Variants in NBEA observed in about 807,000 individuals in gnomAD.
NBEA encodes the protein neurobeachin, also known as lysosomal-trafficking regulator 2.
A neutral mutation model predicts 343.4 loss-of-function variants in NBEA; 44 were observed. The ratio of observed to expected loss-of-function variants is 0.13; its 90% CI spans 0.10 to 0.16. The LOEUF (loss-of-function observed/expected upper bound fraction) is 0.16. Ranked by LOEUF, NBEA falls within the 10% of genes least tolerant of loss-of-function variation. The pLI, the probability that NBEA is intolerant of heterozygous loss-of-function variation, is 1.00. For missense variants in NBEA, 2,555 were observed against 3,631.3 expected (o/e 0.70, Z 7.62); for synonymous variants, 1,175 against 1,238.7 (o/e 0.95, Z 1.08).
intron 13 of NBEA, among the ~76,000 whole-genome samples, chr13:35,111,301 T>C (rs891620470): frequency 3.3e-5 from 5 of 152,130 alleles, no homozygotes; most frequent in African/African-American, 1.2e-4. Flanking sequence ...AGTACATCAG[T>C]TGCTTTCAAC....
At chr13:35,106,055 T>C (rs1247689587) in intron 11 of NBEA, among the ~76,000 whole-genome samples, 1 of 152,010 alleles carries the variant, frequency 6.6e-6, no homozygotes, top group Non-Finnish European at 1.5e-5. Context: ...CAACTATTTG[T>C]ATAACTTCTT....
At position 35,159,861 on chromosome 13, in the gene NBEA, G is replaced by A. The variant is rs967378072; in HGVS notation, c.3690G>A (p.Lys1230=). 3.7e-6 allele frequency: 6 copies of A among 1,606,134 alleles called. No individual in the cohort carries two copies. The highest frequency in any genetic ancestry group is 1.1e-5 in the South Asian group (1 of 89,834). The change falls in exon 22 of 59, where the codon AAG becomes AAA. Residue 1230 remains lysine (K), a synonymous_variant. Coordinates refer to ENST00000379939, the MANE Select transcript of NBEA (RefSeq NM_001385012.1). ...AAAGAGACTTAGCGTCATCAACTAA[G>A]GGGCTGGAGTATGCTGAAATGACTG... ...ISERDLASST[K]GLEYAEMTAT...
rs1426336566 is a variant in NBEA at position 35,546,657 on chromosome 13, A to G, written c.6586-3820A>G. On this transcript the variant is annotated intron_variant, in intron 41 of 58. Coordinates refer to ENST00000379939, the MANE Select transcript of NBEA (RefSeq NM_001385012.1). ...AACCTCTGCCTCCCGGATTCAAGCA[A>G]TTCTCCTGCCGCAGCCTCCCAAGTA... is the stretch of plus-strand genomic sequence containing the variant. 2.6e-5 allele frequency among the ~76,000 whole-genome samples: 4 copies of G among 151,794 alleles called. No individual in the cohort carries two copies. The South Asian group carries it at 8.3e-4, about 32-fold the overall frequency.
chr13:35,111,275 A>G (rs1002728943), intron 13 of NBEA, among the ~76,000 whole-genome samples: 1 of 152,136 alleles, frequency 6.6e-6, no homozygotes, highest in African/African-American at 2.4e-5. Context: ...GATATTGGTT[A>G]TAACTGGTGT....
intron 41 of NBEA, among the ~76,000 whole-genome samples, chr13:35,502,431 C>A (rs61949169): frequency 0.084 from 12,690 of 151,656 alleles, 730 homozygotes; most frequent in Middle Eastern, 0.15. Flanking sequence ...TTTTAAGTTA[C>A]ATTTATGGAC....
At chr13:35,595,579 C>G (rs2081754503) in intron 47 of NBEA, among the ~76,000 whole-genome samples, 1 of 152,026 alleles carries the variant, frequency 6.6e-6, no homozygotes, top group African/African-American at 2.4e-5. Context: ...ATCTTTCTCC[C>G]TGATTGTTAC....
chr13:35,658,871 G>A (rs1035791225), intron 55 of NBEA, among the ~76,000 whole-genome samples: 2 of 152,148 alleles, frequency 1.3e-5, no homozygotes, highest in African/African-American at 4.8e-5. Flanking sequence ...GCAACCATCT[G>A]TGTCGGTCTC....
intron 8 of NBEA, among the ~76,000 whole-genome samples, chr13:35,062,943 G>T (rs2152569795): frequency 6.6e-6 from 1 of 152,026 alleles, no homozygotes; most frequent in African/African-American, 2.4e-5. Flanking sequence ...AATGCATCTT[G>T]ATAGAGTGAT....
intron 34 of NBEA, among the ~76,000 whole-genome samples, chr13:35,236,951 C>G (rs1453286147): frequency 6.6e-6 from 1 of 152,054 alleles, no homozygotes; most frequent in East Asian, 1.9e-4. Flanking sequence ...AACTTAGACT[C>G]TGGTACATCA....
At chr13:35,470,364 T>A (rs1271037339) in intron 40 of NBEA, among the ~76,000 whole-genome samples, 1 of 150,520 alleles carries the variant, frequency 6.6e-6, no homozygotes, top group African/African-American at 2.4e-5. Context: ...ATGGTTTTGA[T>A]GTTTCACGAT....
At chr13:35,624,059 T>C (rs1030031658) in intron 48 of NBEA, among the ~76,000 whole-genome samples, 2 of 94,816 alleles carry the variant, frequency 2.1e-5, no homozygotes, top group African/African-American at 7.1e-5. Context: ...TGTGTGGGTG[T>C]GTGTGTGTGT....
chr13:35,619,620 C>T (rs60536174), intron 48 of NBEA, among the ~76,000 whole-genome samples: 4,589 of 152,192 alleles, frequency 0.03, 255 homozygotes, highest in African/African-American at 0.11. Context: ...ATATTCTTCA[C>T]AGATAAGGAA....
intron 34 of NBEA, among the ~76,000 whole-genome samples, chr13:35,261,260 T>G (rs769968699): frequency 2.6e-5 from 4 of 152,166 alleles, no homozygotes; most frequent in Non-Finnish European, 4.4e-5. Flanking sequence ...TGCCTATAAT[T>G]CCAGCACTTT....
At chr13:35,115,530 A>G (rs1014347943) in intron 13 of NBEA, among the ~76,000 whole-genome samples, 1 of 151,658 alleles carries the variant, frequency 6.6e-6, no homozygotes, top group Non-Finnish European at 1.5e-5. Flanking sequence ...ACTATGTTTT[A>G]CTCTTGCTAT....
At chr13:35,616,913 C>T (rs1341852045) in intron 48 of NBEA, among the ~76,000 whole-genome samples, 1 of 152,158 alleles carries the variant, frequency 6.6e-6, no homozygotes, top group Non-Finnish European at 1.5e-5. Context: ...TTAAAATAAG[C>T]CTCACGGTGT....
intron 1 of NBEA, among the ~76,000 whole-genome samples, chr13:34,979,131 A>G (rs1229325482): frequency 6.6e-6 from 1 of 152,188 alleles, no homozygotes; most frequent in South Asian, 2.1e-4. Flanking sequence ...TCTTTTAGAC[A>G]TTCTGATGGC....
intron 21 of NBEA, among the ~76,000 whole-genome samples, chr13:35,157,650 G>A (rs1277929439): frequency 6.6e-6 from 1 of 151,928 alleles, no homozygotes; most frequent in Non-Finnish European, 1.5e-5. Flanking sequence ...TTATTTCCAA[G>A]TGAATCATAA....
At chr13:35,433,881 C>T (rs1416197324) in intron 39 of NBEA, among the ~76,000 whole-genome samples, 1 of 151,874 alleles carries the variant, frequency 6.6e-6, no homozygotes, top group Admixed American at 6.6e-5. Context: ...AATTATTAAA[C>T]CTTCATTTCA....
At chr13:34,999,183 G>C (rs932378226) in intron 1 of NBEA, among the ~76,000 whole-genome samples, 1 of 151,888 alleles carries the variant, frequency 6.6e-6, no homozygotes, top group Non-Finnish European at 1.5e-5. Context: ...CTATTGTTTG[G>C]TCAGTCAATA....
Sources: gnomAD v4.1 joint callset for allele counts (sites outside exome capture counted in the v4.1 genomes callset) on GRCh38, gnomAD v4.1.1 for gene constraint, MANE v1.5 for transcripts, NCBI Gene and HGNC (gene_info 2026-07-23, HGNC 2026-07-21) for gene names.